The following STRN variants were observed in gnomAD, a reference collection of about 807,000 sequenced individuals.
STRN encodes striatin.
In STRN, 53 loss-of-function variants were observed where a neutral mutation model predicts 96.3. The ratio of observed to expected loss-of-function variants is 0.55; its 90% CI spans 0.44 to 0.69. The LOEUF is 0.69. Ranked by LOEUF, STRN falls within the 30% of genes least tolerant of loss-of-function variation. The pLI is 0.00. For missense variants in STRN, 987 were observed against 963.9 expected (o/e 1.02, Z -0.32); for synonymous variants, 428 against 355.9 (o/e 1.20, Z -2.28).
At position 36,844,204 on chromosome 2, in the gene STRN, GAA is replaced by G. The variant is rs1288919461; in HGVS notation, c.*5250_*5251del. 2.6e-5 allele frequency: 4 copies of G among 151,978 alleles called. No individual in the cohort carries two copies. The highest frequency in any genetic ancestry group is 5.9e-5 in the Non-Finnish European group (4 of 67,956). The allele number at this position is 151,978 out of a possible 1,614,324, so 9.4% of individuals were successfully genotyped here. ...AGGGGATACCTATTAATCTGGGCTG[GAA>G]AAAAAGTGTGTGGAGAAGGGGAGTT... On this transcript the variant is annotated 3_prime_UTR_variant, in exon 18 of 18. Transcript: ENST00000263918.
intron 15 of STRN, among the ~76,000 whole-genome samples, chr2:36,854,538 C>T (rs762132759): frequency 2.0e-5 from 3 of 152,168 alleles, no homozygotes; most frequent in African/African-American, 4.8e-5. Flanking sequence ...TAAACATATG[C>T]ATGTACATGT....
intron 13 of STRN, among the ~76,000 whole-genome samples, chr2:36,860,680 T>A (rs1418439428): frequency 6.6e-6 from 1 of 152,212 alleles, no homozygotes; most frequent in Non-Finnish European, 1.5e-5. Context: ...TTCTGAGGCC[T>A]TTTACATATT....
At position 36,857,916 on chromosome 2, in the gene STRN, G is replaced by C. The variant is rs1668387736; in HGVS notation, c.1777C>G (p.Leu593Val). ...ACCTCAGTTGTATTCCATAAACGCA[G>C]AGTGCCATCTGCTGAACAGGACAAC... Reference protein sequence around the residue: ...RLLSCSADGTLRLWNTTEVAP... With the variant: ...RLLSCSADGTVRLWNTTEVAP... Residue 593 changes from leucine (L) to valine (V), a missense_variant, in exon 14 of 18, where the codon CTG (leucine) becomes GTG (valine). Transcript: ENST00000263918. 6.2e-7 allele frequency: 1 copy of C among 1,613,972 alleles called. No homozygotes were observed. The highest frequency in any genetic ancestry group is 8.5e-7 in the Non-Finnish European group (1 of 1,180,024).
intron 11 of STRN, among the ~76,000 whole-genome samples, chr2:36,868,640 G>A (rs923008652): frequency 2.0e-5 from 3 of 152,266 alleles, no homozygotes; most frequent in African/African-American, 7.2e-5. Flanking sequence ...AAGTCCATCT[G>A]GTTTTAGCAA....
intron 3 of STRN, among the ~76,000 whole-genome samples, chr2:36,912,701 G>A (rs542044232): frequency 6.6e-6 from 1 of 152,136 alleles, no homozygotes. Context: ...ATATGTTGAT[G>A]CCTCTCAAAT....
In STRN at chr2:36,840,253, A is replaced by T. The variant is rs1667919912; in HGVS notation, c.*9203T>A. 6.6e-6 allele frequency: 1 copy of T among 152,302 alleles called. No individual in the cohort carries two copies. The highest frequency in any genetic ancestry group is 2.4e-5 in the African/African-American group (1 of 41,430). 9.4% of individuals were successfully genotyped at this position (152,302 alleles called of 1,614,324 possible). A position where few individuals can be genotyped will look rare whatever the true frequency, so the allele number is the denominator to read the frequency against. ...GGCTAGAAAAGCTCCCTTTCAACTG[A>T]TCAGAGGCCAGTGGGGAACAGGGGA... On this transcript the variant is annotated 3_prime_UTR_variant, in exon 18 of 18. Coordinates refer to ENST00000263918, the MANE Select transcript of STRN (RefSeq NM_003162.4).
chr2:36,962,759 G>A (rs2148283644), intron 1 of STRN, among the ~76,000 whole-genome samples: 1 of 152,152 alleles, frequency 6.6e-6, no homozygotes, highest in African/African-American at 2.4e-5. Flanking sequence ...CGCCTGCCTT[G>A]GCCTCCCAAA....
At chr2:36,862,150 C>A (rs1011079670) in intron 12 of STRN, among the ~76,000 whole-genome samples, 3 of 152,154 alleles carry the variant, frequency 2.0e-5, no homozygotes, top group Non-Finnish European at 4.4e-5. Flanking sequence ...ACCACATTTT[C>A]TTTATCCAGT....
intron 5 of STRN, 139 bp downstream of exon 5, chr2:36,902,445 C>G (rs1669711239): frequency 1.1e-5 from 6 of 546,970 alleles, no homozygotes; most frequent in Non-Finnish European, 1.7e-5. Flanking sequence ...ACCTTCTAAC[C>G]AAATAAAATG....
At chr2:36,946,040 G>C (rs186174452) in intron 1 of STRN, among the ~76,000 whole-genome samples, 146 of 151,754 alleles carry the variant, frequency 9.6e-4, no homozygotes, top group African/African-American at 3.2e-3. Flanking sequence ...ACTAGAAAAA[G>C]ACAGGTATAA....
chr2:36,842,566 C>G lies in STRN; in HGVS notation c.*6890G>C, dbSNP rs1667976940. The G allele has an allele frequency of 6.6e-6, 1 of 152,140 alleles. No individual in the cohort carries two copies. The highest frequency in any genetic ancestry group is 2.4e-5 in the African/African-American group (1 of 41,424). 9.4% of individuals were successfully genotyped at this position (152,140 alleles called of 1,614,324 possible). ...TACTTTTCTATGAAATAGGTCCTTCCTATCAGTAGGTTATTGCAGACTTTG... is the reference window on the plus strand; with the variant it reads ...TACTTTTCTATGAAATAGGTCCTTCGTATCAGTAGGTTATTGCAGACTTTG... On this transcript the variant is annotated 3_prime_UTR_variant, in exon 18 of 18. Transcript: ENST00000263918.
intron 3 of STRN, among the ~76,000 whole-genome samples, chr2:36,912,427 C>A (rs1669986955): frequency 1.3e-5 from 2 of 152,218 alleles, no homozygotes; most frequent in Non-Finnish European, 2.9e-5. Context: ...CAAAGTCCTA[C>A]AGATATTCTT....
At chr2:36,913,202 C>A (rs962691904) in intron 3 of STRN, among the ~76,000 whole-genome samples, 2 of 152,286 alleles carry the variant, frequency 1.3e-5, no homozygotes, top group East Asian at 3.9e-4. Context: ...TCATCATAAA[C>A]CCCTAATTAA....
At chr2:36,877,810 C>T (rs1668954308) in intron 10 of STRN, 81 bp downstream of exon 10, 2 of 1,522,746 alleles carry the variant, frequency 1.3e-6, no homozygotes, top group Non-Finnish European at 1.8e-6. Flanking sequence ...TGCTGGATTA[C>T]AGGCGTGAGC....
At chr2:36,944,489 T>C (rs1355130335) in intron 1 of STRN, among the ~76,000 whole-genome samples, 1 of 152,096 alleles carries the variant, frequency 6.6e-6, no homozygotes, top group African/African-American at 2.4e-5. Flanking sequence ...ATCCATTACA[T>C]AAGCCCATGT....
intron 9 of STRN, among the ~76,000 whole-genome samples, chr2:36,879,522 A>C (rs144559392): frequency 1.9e-3 from 283 of 152,346 alleles, no homozygotes; most frequent in African/African-American, 6.4e-3. Flanking sequence ...ATCATAGAAA[A>C]ATCAGTTAAA....
chr2:36,897,438 T>A (rs13394819), intron 6 of STRN, among the ~76,000 whole-genome samples: 51,516 of 149,292 alleles, frequency 0.35, 9,360 homozygotes, highest in Non-Finnish European at 0.37. Context: ...CTAAAAAATA[T>A]ATATATATTT....
chr2:36,850,852 G>C (rs1668201738), intron 16 of STRN, 148 bp downstream of exon 16: 1 of 568,634 alleles, frequency 1.8e-6, no homozygotes, highest in Admixed American at 3.2e-5. Flanking sequence ...TTTGGATAGA[G>C]TGAAGAGAAA....
chr2:36,901,071 A>G (rs1202273675), intron 5 of STRN, among the ~76,000 whole-genome samples: 5 of 151,966 alleles, frequency 3.3e-5, no homozygotes. Context: ...TTAAATTTCA[A>G]ATCTACTTAC....
Sources: gnomAD v4.1 joint callset for allele counts (sites outside exome capture counted in the v4.1 genomes callset) on GRCh38, gnomAD v4.1.1 for gene constraint, MANE v1.5 for transcripts, NCBI Gene and HGNC (gene_info 2026-07-23, HGNC 2026-07-21) for gene names.